MAML3: variants seen among roughly 807,000 people sequenced by gnomAD.
The protein encoded by MAML3 is mastermind-like protein 3.
MAML3 carries 27 observed loss-of-function variants against 101.9 expected under a neutral mutation model. That is an observed-to-expected ratio of 0.27 (90% confidence interval 0.20 to 0.37). MAML3 has a LOEUF of 0.37. MAML3 is among the 10% of genes least tolerant of loss of function. MAML3 has a pLI of 1.00. For synonymous variants in MAML3, 501 were observed against 555.9 expected, an observed-to-expected ratio of 0.90 and a Z score of 1.39; for missense variants, 1,316 against 1,444.9, an observed-to-expected ratio of 0.91 and a Z score of 1.45.
intron 2 of MAML3, among the ~76,000 whole-genome samples, chr4:139,791,186 A>T (rs1730402296): frequency 6.6e-6 from 1 of 152,216 alleles, no homozygotes; most frequent in East Asian, 1.9e-4. Context: ...GTACATTCTC[A>T]TCCATTATCC....
chr4:140,148,965 T>C (rs1729108757), intron 1 of MAML3, among the ~76,000 whole-genome samples: 1 of 152,210 alleles, frequency 6.6e-6, no homozygotes, highest in Non-Finnish European at 1.5e-5. Context: ...TATGGTCTTA[T>C]CTAAGTCAAC....
chr4:139,867,084 G>T (rs186305707), intron 2 of MAML3, among the ~76,000 whole-genome samples: 1 of 152,220 alleles, frequency 6.6e-6, no homozygotes, highest in African/African-American at 2.4e-5. Context: ...AATAAAGTCA[G>T]TTTTTGTAAA....
At chr4:139,933,990 T>C (rs1024353433) in intron 1 of MAML3, among the ~76,000 whole-genome samples, 3 of 152,134 alleles carry the variant, frequency 2.0e-5, no homozygotes, top group Non-Finnish European at 4.4e-5. Context: ...TATGAATGTG[T>C]GACTATATGT....
intron 1 of MAML3, among the ~76,000 whole-genome samples, chr4:139,943,468 T>C (rs546990890): frequency 2.2e-4 from 33 of 152,168 alleles, no homozygotes; most frequent in African/African-American, 7.5e-4. Context: ...ATTGGAGCCA[T>C]AGGGTGGGAG....
chr4:140,020,910 G>T (rs1032752259), intron 1 of MAML3, among the ~76,000 whole-genome samples: 3 of 152,032 alleles, frequency 2.0e-5, no homozygotes, highest in African/African-American at 7.2e-5. Flanking sequence ...TTTGTGCTTG[G>T]GTCAGATGAC....
intron 2 of MAML3, among the ~76,000 whole-genome samples, chr4:139,783,866 C>T (rs1476089237): frequency 6.6e-6 from 1 of 152,126 alleles, no homozygotes; most frequent in African/African-American, 2.4e-5. Context: ...GTGTGACAGC[C>T]CGGGCTGCTG....
chr4:139,825,427 A>G (rs1297186101), intron 2 of MAML3, among the ~76,000 whole-genome samples: 1 of 152,190 alleles, frequency 6.6e-6, no homozygotes, highest in Non-Finnish European at 1.5e-5. Context: ...CTCCAGGTAA[A>G]GGATAAAGCA....
chr4:140,111,618 T>C (rs1198817657), intron 1 of MAML3, among the ~76,000 whole-genome samples: 1 of 152,206 alleles, frequency 6.6e-6, no homozygotes, highest in Non-Finnish European at 1.5e-5. Context: ...GCTAGATAAA[T>C]ATAAATGATT....
intron 1 of MAML3, among the ~76,000 whole-genome samples, chr4:140,149,778 C>A (rs961350976): frequency 1.3e-5 from 2 of 152,126 alleles, no homozygotes; most frequent in Non-Finnish European, 2.9e-5. Flanking sequence ...CAACTATAAT[C>A]CTGCAGTCAA....
chr4:140,046,381 T>C (rs1053863914), intron 1 of MAML3, among the ~76,000 whole-genome samples: 1 of 152,198 alleles, frequency 6.6e-6, no homozygotes, highest in African/African-American at 2.4e-5. Context: ...AACTAAATTT[T>C]TGTTGCTTTA....
At chr4:139,886,472 T>A (rs1732341062) in intron 2 of MAML3, among the ~76,000 whole-genome samples, 1 of 152,124 alleles carries the variant, frequency 6.6e-6, no homozygotes, top group South Asian at 2.1e-4. Context: ...TTCCTAACAT[T>A]TTAGGAATTC....
intron 1 of MAML3, among the ~76,000 whole-genome samples, chr4:140,110,398 C>T (rs1728421643): frequency 6.6e-6 from 1 of 152,210 alleles, no homozygotes; most frequent in Admixed American, 6.5e-5. Flanking sequence ...GTTTTTCCAG[C>T]ATTCTTCACA....
chr4:139,879,118 C>A (rs1205990507), intron 2 of MAML3, among the ~76,000 whole-genome samples: 1 of 152,146 alleles, frequency 6.6e-6, no homozygotes, highest in Admixed American at 6.5e-5. Context: ...AAATATTTAG[C>A]AATGAAATAA....
intron 1 of MAML3, among the ~76,000 whole-genome samples, chr4:140,092,076 G>GTATATATATATATATGTA (rs367672054): frequency 3.1e-5 from 2 of 64,022 alleles, no homozygotes; most frequent in African/African-American, 7.8e-5. Context: ...ATATATATAC[G>GTATATATATATATATGTA]TATATATATA....
At chr4:139,920,339 T>G (rs1248270679) in intron 1 of MAML3, among the ~76,000 whole-genome samples, 1 of 152,216 alleles carries the variant, frequency 6.6e-6, no homozygotes, top group Non-Finnish European at 1.5e-5. Flanking sequence ...GACACGTGCT[T>G]CTTCATTTGC....
chr4:140,100,876 T>G (rs538649700), intron 1 of MAML3, among the ~76,000 whole-genome samples: 1 of 152,134 alleles, frequency 6.6e-6, no homozygotes, highest in Non-Finnish European at 1.5e-5. Context: ...CCAAACCTAG[T>G]GCTTAATATG....
rs759264751 is a variant in MAML3, at chr4:139,730,640, T to A, written c.2107A>T (p.Thr703Ser). 6.2e-7 allele frequency: 1 copy of A among 1,612,954 alleles called. No individual in the cohort carries two copies. The highest frequency in any genetic ancestry group is 1.1e-5 in the South Asian group (1 of 90,684). The change falls in exon 3 of 5, where the codon ACC becomes TCC. Residue 703 changes from threonine (T) to serine (S), a missense_variant. By Grantham distance (58) the Thr-to-Ser change is moderately conservative (BLOSUM62 1). Coordinates refer to ENST00000509479, the MANE Select transcript of MAML3 (RefSeq NM_018717.5). ...ACGGAGGACTGCATGGGGCCTGTGG[T>A]TCGGGGAAGTCCAACTGGATGCTGC... ...QEQHPVGLPR[T>S]TGPMQSSVPP...
intron 2 of MAML3, among the ~76,000 whole-genome samples, chr4:139,842,835 G>C (rs574612287): frequency 1.6e-5 from 2 of 122,036 alleles, no homozygotes; most frequent in South Asian, 5.7e-4. Context: ...CTGGAGTGCA[G>C]TGGCGCCATC....
chr4:139,882,332 A>T lies in MAML3; in HGVS notation c.2079+7025T>A, dbSNP rs10002589. On this transcript the variant is annotated intron_variant, in intron 2 of 4. Coordinates refer to ENST00000509479, the MANE Select transcript of MAML3 (RefSeq NM_018717.5). ...ACACACAATTCCAGATTTTTTTTTT[A>T]AAAAGTGCATAGTACTAGATACAGT... 3.2e-3 allele frequency among the ~76,000 whole-genome samples: 489 copies of T among 151,902 alleles called. 1 individual carries two copies. The highest frequency in any genetic ancestry group is 0.017 in the Middle Eastern group (5 of 294).
Sources: gnomAD v4.1 joint callset for allele counts (sites outside exome capture counted in the v4.1 genomes callset) on GRCh38, gnomAD v4.1.1 for gene constraint, MANE v1.5 for transcripts, NCBI Gene and HGNC (gene_info 2026-07-23, HGNC 2026-07-21) for gene names.